Variants in ARHGAP22 observed in about 807,000 individuals in gnomAD.
The protein encoded by ARHGAP22 is rho GTPase-activating protein 22.
A neutral mutation model predicts 59.1 loss-of-function variants in ARHGAP22; 48 were observed. The observed-to-expected ratio is 0.81, with a 90% CI of 0.64 to 1.03. The LOEUF is 1.03. ARHGAP22 is among the 50% of genes least tolerant of loss of function. The pLI is 0.00. For missense variants in ARHGAP22, 1,015 were observed against 958.7 expected, an observed-to-expected ratio of 1.06 and a Z score of -0.78; for synonymous variants, 445 against 416.4, an observed-to-expected ratio of 1.07 and a Z score of -0.84.
intron 1 of ARHGAP22, among the ~76,000 whole-genome samples, chr10:48,626,265 C>A (rs551032172): frequency 6.6e-6 from 1 of 152,108 alleles, no homozygotes; most frequent in African/African-American, 2.4e-5. Flanking sequence ...ACCAGGAGCC[C>A]GGCATGGAAA....
chr10:48,530,553 A>G (rs1004892416), intron 3 of ARHGAP22, among the ~76,000 whole-genome samples: 2 of 152,208 alleles, frequency 1.3e-5, no homozygotes, highest in Non-Finnish European at 2.9e-5. Flanking sequence ...ATCTAAAAAG[A>G]ACTCAAACAA....
chr10:48,554,637 C>G (rs2057161060), intron 3 of ARHGAP22, among the ~76,000 whole-genome samples: 2 of 152,112 alleles, frequency 1.3e-5, no homozygotes, highest in Non-Finnish European at 2.9e-5. Flanking sequence ...GTCGGTTACT[C>G]CCCAGAAAGC....
At chr10:48,464,368 CG>C (rs1275779700) in intron 4 of ARHGAP22, among the ~76,000 whole-genome samples, 1 of 152,202 alleles carries the variant, frequency 6.6e-6, no homozygotes. Flanking sequence ...TCCCCCATGG[CG>C]CCTTCCTGAA....
chr10:48,534,416 T>C (rs1307214828), intron 3 of ARHGAP22, among the ~76,000 whole-genome samples: 1 of 152,108 alleles, frequency 6.6e-6, no homozygotes, highest in African/African-American at 2.4e-5. Context: ...AAATGCAGCA[T>C]GGGAAAGAGC....
At chr10:48,570,192 T>TA (rs5784762) in intron 2 of ARHGAP22, among the ~76,000 whole-genome samples, 60,700 of 152,050 alleles carry the variant, frequency 0.4, 13,778 homozygotes, top group East Asian at 0.89. Context: ...ATATGTTTAA[T>TA]GTGGGGAATT....
chr10:48,536,729 G>A (rs553105997), intron 3 of ARHGAP22, among the ~76,000 whole-genome samples: 5 of 152,336 alleles, frequency 3.3e-5, no homozygotes, highest in African/African-American at 1.2e-4. Flanking sequence ...CATGCCAGAA[G>A]GCACTGCATG....
chr10:48,468,892 G>A (rs1292663331), intron 4 of ARHGAP22, among the ~76,000 whole-genome samples: 1 of 152,134 alleles, frequency 6.6e-6, no homozygotes, highest in South Asian at 2.1e-4. Context: ...TGCCAGGGCA[G>A]GTTGGTGCAG....
upstream of ARHGAP22, among the ~76,000 whole-genome samples, chr10:48,606,117 G>T (rs557272646): frequency 6.6e-6 from 1 of 152,280 alleles, no homozygotes; most frequent in African/African-American, 2.4e-5. Context: ...CCTTTCAGTA[G>T]CTGGTAAAGA....
At chr10:48,594,936 A>C (rs1165005107) in intron 1 of ARHGAP22, among the ~76,000 whole-genome samples, 2 of 137,390 alleles carry the variant, frequency 1.5e-5, no homozygotes, top group South Asian at 4.6e-4. Context: ...AGATTACTGC[A>C]TGTGAATCCT....
At position 48,450,963 on chromosome 10, in the gene ARHGAP22, G is replaced by A. The variant is rs80345791; in HGVS notation, c.1166C>T (p.Pro389Leu). 26,394 of 1,571,828 alleles carry A rather than the reference G, an allele frequency of 0.017. 302 individuals are homozygous for A. The highest frequency in any genetic ancestry group is 0.021 in the Middle Eastern group (123 of 5,934). Residue 389 changes from proline to leucine, a missense_variant, in exon 9 of 10, where the codon CCC becomes CTC. Pro to Leu is a moderately conservative substitution (Grantham distance 98). Transcript: ENST00000249601. ...SQGEPGGPGL[P>L]AHRTSSLDGA... ...GTCCAGGGAAGAGGTCCTGTGCGCG[G>A]GCAGGCCGGGGCCGCCGGGCTCTCC...
At chr10:48,468,185 CAT>C (rs1417689285) in intron 4 of ARHGAP22, among the ~76,000 whole-genome samples, 3 of 152,208 alleles carry the variant, frequency 2.0e-5, no homozygotes, top group African/African-American at 4.8e-5. Flanking sequence ...CTTTATTTCA[CAT>C]GTTTGCATTT....
chr10:48,563,512 G>T (rs1053363483), intron 2 of ARHGAP22, among the ~76,000 whole-genome samples: 1 of 152,034 alleles, frequency 6.6e-6, no homozygotes, highest in East Asian at 1.9e-4. Context: ...TTTCTTTAAG[G>T]TCAGATGGTT....
At chr10:48,651,134 C>T (rs2062543264) in intron 1 of ARHGAP22, among the ~76,000 whole-genome samples, 1 of 152,184 alleles carries the variant, frequency 6.6e-6, no homozygotes, top group Non-Finnish European at 1.5e-5. Flanking sequence ...ATCTTGGATT[C>T]ATCCAAGACC....
intron 3 of ARHGAP22, among the ~76,000 whole-genome samples, chr10:48,501,840 T>C (rs1290311684): frequency 6.6e-6 from 1 of 152,014 alleles, no homozygotes; most frequent in Non-Finnish European, 1.5e-5. Context: ...CAGAGGTGCA[T>C]AGATCTGCAT....
chr10:48,542,725 G>T (rs566279106), intron 3 of ARHGAP22, among the ~76,000 whole-genome samples: 1 of 152,356 alleles, frequency 6.6e-6, no homozygotes, highest in South Asian at 2.1e-4. Flanking sequence ...AGTGCCACAG[G>T]GTGGGTATCT....
intron 8 of ARHGAP22, 114 bp downstream of exon 8, chr10:48,453,190 C>T: frequency 6.8e-7 from 1 of 1,474,938 alleles, no homozygotes; most frequent in Non-Finnish European, 9.3e-7. Flanking sequence ...CCACCTGAGC[C>T]ACCCCTCCTG....
upstream of ARHGAP22, among the ~76,000 whole-genome samples, chr10:48,607,623 C>T (rs1048091671): frequency 2.0e-5 from 3 of 152,136 alleles, no homozygotes; most frequent in Admixed American, 2.0e-4. Flanking sequence ...CTCCTATAAG[C>T]TTTTATTTGA....
In ARHGAP22 at chr10:48,450,596, C is replaced by T; in HGVS notation, c.1533G>A (p.Ala511=). The part of the protein sequence containing the change: ...VPGIPSVASM[A]WSGASSSESS... The stretch of plus-strand genomic sequence containing the variant: ...ACTCGCTGGACGAGGCCCCGGACCA[C>T]GCCATACTGGCCACGCTGGGTATGC... Residue 511 remains alanine (A), a synonymous_variant, in exon 9 of 10, where the codon GCG becomes GCA. Transcript: ENST00000249601. 4 of 1,546,334 alleles carry T rather than the reference C, an allele frequency of 2.6e-6. No individual in the cohort carries two copies. The highest frequency in any genetic ancestry group is 3.5e-6 in the Non-Finnish European group (4 of 1,146,418).
intron 2 of ARHGAP22, among the ~76,000 whole-genome samples, chr10:48,580,412 TG>T (rs1164951216): frequency 1.3e-5 from 2 of 151,994 alleles, no homozygotes; most frequent in Non-Finnish European, 2.9e-5. Flanking sequence ...AAGGAATACG[TG>T]GGGAAGCCTG....
Sources: gnomAD v4.1 joint callset for allele counts (sites outside exome capture counted in the v4.1 genomes callset) on GRCh38, gnomAD v4.1.1 for gene constraint, MANE v1.5 for transcripts, NCBI Gene and HGNC (gene_info 2026-07-23, HGNC 2026-07-21) for gene names.